The following BTC variants were observed in gnomAD, a reference collection of about 807,000 sequenced individuals.
BTC encodes probetacellulin.
Under a neutral mutation model 18.1 loss-of-function variants are expected in BTC, and 13 were observed. That is an observed-to-expected ratio of 0.72 (90% CI 0.47 to 1.14). The LOEUF (loss-of-function observed/expected upper bound fraction) is 1.14, where lower values mean the gene tolerates loss of function less well. Among genes scored for constraint, BTC ranks in the 50% most tolerant of loss-of-function variants. The probability of loss-of-function intolerance (pLI) is 0.00; values close to 1 mark genes in which losing one functional copy is unlikely to be tolerated. For missense variants in BTC, 247 were observed against 224.2 expected (o/e 1.10, Z -0.65); for synonymous variants, 83 against 79.4 (o/e 1.05, Z -0.24).
At chr4:74,764,447 A>G (rs1451137990) in intron 2 of BTC, among the ~76,000 whole-genome samples, 2 of 152,220 alleles carry the variant, frequency 1.3e-5, no homozygotes, top group Non-Finnish European at 2.9e-5. Context: ...GCCTAAGACA[A>G]CAAAATGGCT....
chr4:74,749,333 A>G lies in BTC; in HGVS notation c.429-1184T>C, dbSNP rs377030382. On this transcript the variant is annotated intron_variant, in intron 4 of 5. Coordinates refer to ENST00000395743, the MANE Select transcript of BTC (RefSeq NM_001729.4). ...TCCCAGCTACTCAGGAAGCTGAGGT[A>G]GGAGAATTGCTTGAACTCAGGAAGC... is the stretch of plus-strand genomic sequence containing the variant. Among the ~76,000 whole-genome samples the G allele has an allele frequency of 2.2e-4, 33 of 149,802 alleles. No homozygotes were observed. The East Asian group carries it at 3.5e-3, about 16-fold the overall frequency.
At chr4:74,792,780 G>T (rs1577975249) in intron 1 of BTC, among the ~76,000 whole-genome samples, 1 of 152,222 alleles carries the variant, frequency 6.6e-6, no homozygotes, top group East Asian at 1.9e-4. Flanking sequence ...CTCAAGGCAC[G>T]CATTCGTGTC....
In BTC at chr4:74,779,604, G is replaced by T. The variant is rs374425857; in HGVS notation, c.65-9448C>A. ...AGGAACCAAGGAAAAAGGACAATTT[G>T]TTTTCAAGGAGGATTATCCAAGTGC... On this transcript the variant is annotated intron_variant, in intron 1 of 5. Transcript: ENST00000395743. 8.5e-5 allele frequency among the ~76,000 whole-genome samples: 13 copies of T among 152,190 alleles called. No individual in the cohort carries two copies. In the East Asian group the frequency reaches 2.3e-3, roughly 27 times the overall value.
intron 1 of BTC, among the ~76,000 whole-genome samples, chr4:74,787,625 C>T (rs914471618): frequency 6.6e-6 from 1 of 152,168 alleles, no homozygotes; most frequent in African/African-American, 2.4e-5. Context: ...GATCCAGTAT[C>T]AGCTGGGGTC....
intron 1 of BTC, among the ~76,000 whole-genome samples, chr4:74,777,258 T>TA (rs907589553): frequency 5.9e-5 from 9 of 152,158 alleles, no homozygotes; most frequent in Admixed American, 5.9e-4. Flanking sequence ...ATAGCCATGG[T>TA]AAAAATGTAG....
At chr4:74,778,036 G>GA (rs550389882) in intron 1 of BTC, among the ~76,000 whole-genome samples, 1,631 of 146,970 alleles carry the variant, frequency 0.011, 20 homozygotes, top group African/African-American at 0.035. Flanking sequence ...CGTGGAGTTT[G>GA]AAAAAAAAAA....
chr4:74,781,189 C>A (rs1725314433), intron 1 of BTC, among the ~76,000 whole-genome samples: 1 of 151,408 alleles, frequency 6.6e-6, no homozygotes, highest in Non-Finnish European at 1.5e-5. Flanking sequence ...CACTTTTTTC[C>A]AAGCTCCATT....
rs190270455 is a variant in BTC, at chr4:74,773,306, T to C, written c.65-3150A>G. Among the ~76,000 whole-genome samples the C allele has an allele frequency of 1.9e-3, 289 of 152,318 alleles. 1 individual carries two copies. The highest frequency in any genetic ancestry group is 3.4e-3 in the Non-Finnish European group (230 of 68,022). ...TGCAACTAAGAAGCAGGTGACCCCTTTAAGTGTCCCAGAACCCATGAGGCT... is the reference window on the plus strand; with the variant it reads ...TGCAACTAAGAAGCAGGTGACCCCTCTAAGTGTCCCAGAACCCATGAGGCT... On this transcript the variant is annotated intron_variant, in intron 1 of 5. Transcript: ENST00000395743.
intron 5 of BTC, 48 bp downstream of exon 5, chr4:74,747,992 T>A (rs782779691): frequency 9.3e-7 from 1 of 1,075,994 alleles, no homozygotes. Flanking sequence ...ATCTAACCAG[T>A]TAAATGTCAC....
intron 1 of BTC, among the ~76,000 whole-genome samples, chr4:74,775,555 A>T (rs1347082310): frequency 1.3e-5 from 2 of 152,172 alleles, no homozygotes; most frequent in Non-Finnish European, 2.9e-5. Flanking sequence ...TCCCCTGGGA[A>T]AGTTCCTCAA....
In BTC at chr4:74,794,481, G is replaced by T; in HGVS notation, c.-156C>A. 1.2e-6 allele frequency: 1 copy of T among 850,284 alleles called. No homozygotes were observed. Among genetic ancestry groups the T allele is most frequent in the Non-Finnish European group, 1.7e-6 (1 of 574,584 alleles). The allele number at this position is 850,284 out of a possible 1,614,324, so 52.7% of individuals were successfully genotyped here. A position where few individuals can be genotyped will look rare whatever the true frequency, so the allele number is the denominator to read the frequency against. On this transcript the variant is annotated 5_prime_UTR_variant, in exon 1 of 6. Coordinates refer to ENST00000395743, the MANE Select transcript of BTC (RefSeq NM_001729.4). Reference sequence around the variant, plus strand: ...CCCAGGCTGGCACCCTGGCTACAAGGCAGGGAAACACCCAGGGCGGGAGGC... The same window carrying T: ...CCCAGGCTGGCACCCTGGCTACAAGTCAGGGAAACACCCAGGGCGGGAGGC...
Position 74,755,911 on chromosome 4 carries a change from A to G in BTC, c.229T>C (p.Cys77Arg). ...SRCPKQYKHY[C>R]IKGRCRFVVA... ...ACGAAGCGGCATCTCCCTTTGATGC[A>G]GTAATGCTTGTATTGCTTGGGGCAC... is the stretch of plus-strand genomic sequence containing the variant. Residue 77 changes from cysteine to arginine, a missense_variant, in exon 3 of 6, where the codon TGC (cysteine) becomes CGC (arginine). Cys to Arg is a radical substitution (Grantham distance 180). Transcript: ENST00000395743. The G allele has an allele frequency of 6.2e-7, 1 of 1,614,196 alleles. No individual in the cohort carries two copies. The highest frequency in any genetic ancestry group is 1.1e-5 in the South Asian group (1 of 91,078).
chr4:74,745,747 C>A lies in BTC; in HGVS notation c.*930G>T, dbSNP rs1403452858. ...ACCATTACTCCCATATAAACAGCCT[C>A]TTTCAGTAATATTATTTATATTTTA... On this transcript the variant is annotated 3_prime_UTR_variant, in exon 6 of 6. Transcript: ENST00000395743. 2.0e-5 allele frequency: 3 copies of A among 152,132 alleles called. No individual in the cohort carries two copies. Among genetic ancestry groups the A allele is most frequent in the Non-Finnish European group, 4.4e-5 (3 of 68,022 alleles). 9.4% of individuals were successfully genotyped at this position (152,132 alleles called of 1,614,324 possible).
rs531874107 is a variant in BTC, at chr4:74,759,675, C to A, written c.164-3699G>T. ...TTTAAGTTAAAAAAAAAAAAAGAAA[C>A]CTTTAGGGTTACTGCACGTCAGTGG... On this transcript the variant is annotated intron_variant, in intron 2 of 5. Transcript: ENST00000395743. Among the ~76,000 whole-genome samples the A allele has an allele frequency of 5.5e-4, 82 of 148,818 alleles. 1 individual carries two copies. The highest frequency in any genetic ancestry group is 2.0e-3 in the Admixed American group (30 of 15,034).
intron 2 of BTC, among the ~76,000 whole-genome samples, chr4:74,765,821 G>T (rs796781968): frequency 3.3e-5 from 5 of 152,150 alleles, no homozygotes; most frequent in African/African-American, 1.2e-4. Context: ...CAGAAAGGAT[G>T]ATATATAGTC....
chr4:74,778,177 G>A (rs913780141), intron 1 of BTC, among the ~76,000 whole-genome samples: 12 of 151,930 alleles, frequency 7.9e-5, no homozygotes, highest in African/African-American at 2.9e-4. Flanking sequence ...CTTGTCTTTT[G>A]CCCTCCTTTA....
At chr4:74,761,056 G>T (rs781916901) in intron 2 of BTC, among the ~76,000 whole-genome samples, 1 of 151,924 alleles carries the variant, frequency 6.6e-6, no homozygotes, top group Non-Finnish European at 1.5e-5. Context: ...TAACTAGGAG[G>T]GCCCTGCCAA....
chr4:74,754,907 A>ATT (rs1220872121), intron 3 of BTC, among the ~76,000 whole-genome samples: 12 of 150,364 alleles, frequency 8.0e-5, no homozygotes, highest in African/African-American at 2.7e-4. Context: ...AATTAAATGA[A>ATT]TTTTTTTAAA....
intron 1 of BTC, among the ~76,000 whole-genome samples, chr4:74,786,900 A>T (rs1457201196): frequency 6.6e-6 from 1 of 152,124 alleles, no homozygotes; most frequent in African/African-American, 2.4e-5. Flanking sequence ...ATAATAAGGG[A>T]TGGAGAAACC....
Sources: allele counts gnomAD v4.1 joint callset (sites outside exome capture counted in the v4.1 genomes callset), GRCh38; gene constraint gnomAD v4.1.1; transcripts MANE v1.5; gene names NCBI Gene and HGNC (gene_info 2026-07-23, HGNC 2026-07-21).